Variants in SLC13A4 observed in about 807,000 individuals in gnomAD.
SLC13A4 encodes the protein solute carrier family 13 member 4.
Under a neutral mutation model 72.7 loss-of-function variants are expected in SLC13A4, and 28 were observed. The observed-to-expected ratio is 0.39, with a 90% CI of 0.29 to 0.53. SLC13A4 has a LOEUF of 0.53. Among genes scored for constraint, SLC13A4 ranks in the 20% least tolerant of loss-of-function variants. The probability of loss-of-function intolerance (pLI) is 0.78; values close to 1 mark genes in which losing one functional copy is unlikely to be tolerated. For missense variants in SLC13A4, 653 were observed against 788.0 expected, an observed-to-expected ratio of 0.83 and a Z score of 2.05; for synonymous variants, 312 against 325.5, an observed-to-expected ratio of 0.96 and a Z score of 0.45.
In SLC13A4 at chr7:135,727,504, C is replaced by T; in HGVS notation, c.-8G>A. 1.3e-6 allele frequency: 2 copies of T among 1,548,376 alleles called. No individual in the cohort carries two copies. The highest frequency in any genetic ancestry group is 8.7e-7 in the Non-Finnish European group (1 of 1,145,070). On this transcript the variant is annotated 5_prime_UTR_variant, in exon 1 of 16. Transcript: ENST00000682651. ...GCCCTGCAGCAGGCCCATCGCGCCTCTGTCCTCTCCAGCTCGTCCTTGGAC... is the reference window on the plus strand; with the variant it reads ...GCCCTGCAGCAGGCCCATCGCGCCTTTGTCCTCTCCAGCTCGTCCTTGGAC...
rs199989822 is a variant in SLC13A4 at position 135,695,493 on chromosome 7, G to C, written c.900-6C>G. 3.7e-6 allele frequency: 6 copies of C among 1,613,438 alleles called. No individual in the cohort carries two copies. Among genetic ancestry groups the C allele is most frequent in the East Asian group, 4.5e-5 (2 of 44,866 alleles). ...CCTCTGCGGCTGGATACTGGCTGGA[G>C]GGTAAAGAACCAGGTCAGCAATTAG... is the stretch of plus-strand genomic sequence containing the variant. On this transcript the variant is annotated splice_polypyrimidine_tract_variant and splice_region_variant and intron_variant, in intron 8 of 15. Transcript: ENST00000682651.
At chr7:135,687,927 C>T (rs1795674357) in intron 13 of SLC13A4, among the ~76,000 whole-genome samples, 1 of 152,030 alleles carries the variant, frequency 6.6e-6, no homozygotes, top group African/African-American at 2.4e-5. Context: ...TCTCATGCCT[C>T]AGCCTCTTGG....
At position 135,691,701 on chromosome 7, in the gene SLC13A4, A is replaced by G. The variant is rs113766389; in HGVS notation, c.1224-56T>C. 11 of 1,249,190 alleles carry G rather than the reference A, an allele frequency of 8.8e-6. No homozygotes were observed. In the East Asian group the frequency reaches 2.1e-4, roughly 24 times the overall value. The allele number at this position is 1,249,190 out of a possible 1,614,324, so 77.4% of individuals were successfully genotyped here. A position where few individuals can be genotyped will look rare whatever the true frequency, so the allele number is the denominator to read the frequency against. ...AGGGTCAGGAATTTTCAGGAGTAACATGATGTCTCGGAGCAGTCTGTCCGA... is the reference window on the plus strand; with the variant it reads ...AGGGTCAGGAATTTTCAGGAGTAACGTGATGTCTCGGAGCAGTCTGTCCGA... On this transcript the variant is annotated intron_variant, in intron 11 of 15. Coordinates refer to ENST00000682651, the MANE Select transcript of SLC13A4 (RefSeq NM_001318192.2).
intron 10 of SLC13A4, 194 bp from the exon 11 acceptor site, chr7:135,692,618 C>CA (rs1795815652): frequency 8.9e-6 from 5 of 563,698 alleles, no homozygotes; most frequent in Non-Finnish European, 1.6e-5. Flanking sequence ...TGACATTAAC[C>CA]ATGTTCCTGG....
In SLC13A4 at chr7:135,681,808, C is replaced by G. The variant is rs937850604; in HGVS notation, c.1747-108G>C. 88 of 1,471,856 alleles carry G rather than the reference C, an allele frequency of 6.0e-5. No individual in the cohort carries two copies. The African/African-American group carries it at 9.9e-4, about 17-fold the overall frequency. The allele number at this position is 1,471,856 out of a possible 1,614,324, so 91.2% of individuals were successfully genotyped here. A position where few individuals can be genotyped will look rare whatever the true frequency, so the allele number is the denominator to read the frequency against. On this transcript the variant is annotated intron_variant, in intron 15 of 15. Transcript: ENST00000682651. ...CTATGCCTTGTGGCCCAGATTAGTT[C>G]CCAGTTGCTGCCTGGGGTGCTCTAG...
chr7:135,694,184 C>T lies in SLC13A4; in HGVS notation c.1074G>A (p.Leu358=). 6.2e-7 allele frequency: 1 copy of T among 1,613,520 alleles called. No individual in the cohort carries two copies. The highest frequency in any genetic ancestry group is 8.5e-7 in the Non-Finnish European group (1 of 1,179,484). ...SKKKKTKREQ[L]SEKRIQEEYE... ...ATTCTTCTTGGATCCTCTTCTCTGA[C>T]AACTGTTCCCTTTTGGTCTTCTTCT... Residue 358 remains leucine (L), a synonymous_variant, in exon 10 of 16, where the codon TTG becomes TTA. Transcript: ENST00000682651.
In SLC13A4 at chr7:135,719,909, A is replaced by G. The variant is rs115502280; in HGVS notation, c.228+1486T>C. On this transcript the variant is annotated intron_variant, in intron 2 of 15. Coordinates refer to ENST00000682651, the MANE Select transcript of SLC13A4 (RefSeq NM_001318192.2). ...AAGGAAAGAGAGAGAGAGAGGAGAG[A>G]GAGAGAGACGGGCCCAGGGGGAGAG... 9.5e-3 allele frequency among the ~76,000 whole-genome samples: 1,386 copies of G among 146,622 alleles called. 24 individuals are homozygous for G. The highest frequency in any genetic ancestry group is 0.033 in the African/African-American group (1,294 of 39,276).
At position 135,727,880 on chromosome 7, in the gene SLC13A4, G is replaced by T. The variant is rs1175174858; in HGVS notation, c.-384C>A. 2.1e-5 allele frequency: 4 copies of T among 188,340 alleles called. No individual in the cohort carries two copies. Among genetic ancestry groups the T allele is most frequent in the Non-Finnish European group, 4.3e-5 (4 of 92,308 alleles). The allele number at this position is 188,340 out of a possible 1,614,324, so 11.7% of individuals were successfully genotyped here. A position where few individuals can be genotyped will look rare whatever the true frequency, so the allele number is the denominator to read the frequency against. On this transcript the variant is annotated 5_prime_UTR_variant, in exon 1 of 16. Transcript: ENST00000682651. ...TTTGCTGCTGCTGCTCGGCCTTGAA[G>T]AAATCATTTAAAAGCTTAAAAACAT...
At chr7:135,696,605 C>T (rs530034184) in intron 8 of SLC13A4, among the ~76,000 whole-genome samples, 65 of 152,172 alleles carry the variant, frequency 4.3e-4, no homozygotes, top group Admixed American at 1.2e-3. Flanking sequence ...TGCCTGCCTT[C>T]GCCTCCCAAA....
At chr7:135,727,342 C>G in intron 1 of SLC13A4, 56 bp downstream of exon 1, 1 of 1,534,288 alleles carries the variant, frequency 6.5e-7, no homozygotes, top group Non-Finnish European at 8.8e-7. Flanking sequence ...ACCGACCTCC[C>G]CTCTTTGCCC....
chr7:135,709,120 A>G (rs1239375806), intron 2 of SLC13A4, among the ~76,000 whole-genome samples: 1 of 151,364 alleles, frequency 6.6e-6, no homozygotes, highest in African/African-American at 2.4e-5. Context: ...TTTAGTAGAG[A>G]TGGGGTTTCA....
intron 8 of SLC13A4, 130 bp from the exon 9 acceptor site, chr7:135,695,617 A>G (rs1795883856): frequency 1.4e-5 from 15 of 1,057,660 alleles, no homozygotes; most frequent in Non-Finnish European, 2.0e-5. Flanking sequence ...ACGATATGGT[A>G]AAACGTTGCC....
intron 13 of SLC13A4, among the ~76,000 whole-genome samples, chr7:135,686,273 A>G (rs375201640): frequency 2.3e-3 from 355 of 152,310 alleles, no homozygotes; most frequent in African/African-American, 8.3e-3. Flanking sequence ...CTTAGTGGAG[A>G]AGGTGCCTCT....
intron 5 of SLC13A4, chr7:135,703,112 C>A: frequency 1.8e-6 from 1 of 562,642 alleles, no homozygotes; most frequent in Admixed American, 3.2e-5. Context: ...GCAGCACTTT[C>A]CTTTGATATT....
At chr7:135,686,044 C>G (rs1265950955) in intron 13 of SLC13A4, among the ~76,000 whole-genome samples, 2 of 152,190 alleles carry the variant, frequency 1.3e-5, no homozygotes, top group Admixed American at 6.5e-5. Flanking sequence ...ACATCCTTAC[C>G]CTGTGCATTG....
rs779055508 is a variant in SLC13A4, at chr7:135,706,264, C to T, written c.402G>A (p.Leu134=). Residue 134 remains leucine, a synonymous_variant, in exon 4 of 16, where the codon CTG becomes CTA. Coordinates refer to ENST00000682651, the MANE Select transcript of SLC13A4 (RefSeq NM_001318192.2). The stretch of plus-strand genomic sequence containing the variant: ...TGGAGGTGTTGGACAGCCACATGGA[C>T]AGCAACGTGGTACAGCACATGAAGC... ...LLCFMCCTTL[L]SMWLSNTSTT... 5 of 1,613,548 alleles carry T rather than the reference C, an allele frequency of 3.1e-6. No individual in the cohort carries two copies. The highest frequency in any genetic ancestry group is 1.3e-5 in the African/African-American group (1 of 74,924).
intron 2 of SLC13A4, among the ~76,000 whole-genome samples, chr7:135,715,279 ATGAG>A (rs999925472): frequency 6.8e-6 from 1 of 146,360 alleles, no homozygotes; most frequent in African/African-American, 2.6e-5. Flanking sequence ...GTATGAGTGT[ATGAG>A]TGTGTGTGAG....
chr7:135,689,217 A>C (rs1207260209), intron 13 of SLC13A4, among the ~76,000 whole-genome samples: 1 of 152,140 alleles, frequency 6.6e-6, no homozygotes, highest in Non-Finnish European at 1.5e-5. Flanking sequence ...AAATCTTGCC[A>C]GGCCAATCTT....
At chr7:135,702,954 A>C (rs1234368784) in intron 5 of SLC13A4, 70 bp from the exon 6 acceptor site, 1 of 1,164,288 alleles carries the variant, frequency 8.6e-7, no homozygotes, top group East Asian at 2.3e-5. Context: ...GTCCCCCTGC[A>C]TCAGGCGTTT....
Sources: gnomAD v4.1 joint callset for allele counts (sites outside exome capture counted in the v4.1 genomes callset) on GRCh38, gnomAD v4.1.1 for gene constraint, MANE v1.5 for transcripts, NCBI Gene and HGNC (gene_info 2026-07-23, HGNC 2026-07-21) for gene names.